Variants in CPXM2 observed in about 807,000 individuals in gnomAD.
CPXM2 encodes the protein carboxypeptidase X, M14 family member 2.
Under a neutral mutation model 86.1 loss-of-function variants are expected in CPXM2, and 66 were observed. The observed-to-expected ratio is 0.77, with a 90% CI of 0.63 to 0.94. The LOEUF (loss-of-function observed/expected upper bound fraction) is 0.94, where lower values mean the gene tolerates loss of function less well. Ranked by LOEUF, CPXM2 falls within the 40% of genes least tolerant of loss-of-function variation. The probability of loss-of-function intolerance (pLI) is 0.00; values close to 1 mark genes in which losing one functional copy is unlikely to be tolerated. For missense variants in CPXM2, 948 were observed against 1,026.3 expected, an observed-to-expected ratio of 0.92 and a Z score of 1.04; for synonymous variants, 388 against 400.2, an observed-to-expected ratio of 0.97 and a Z score of 0.36.
intron 4 of CPXM2, among the ~76,000 whole-genome samples, chr10:123,838,508 T>C (rs944649513): frequency 6.6e-6 from 1 of 152,130 alleles, no homozygotes; most frequent in Non-Finnish European, 1.5e-5. Context: ...GAAAAGTACA[T>C]TTCTTAAGTG....
chr10:123,848,543 G>A (rs1039902339), intron 3 of CPXM2, among the ~76,000 whole-genome samples: 1 of 152,106 alleles, frequency 6.6e-6, no homozygotes, highest in Non-Finnish European at 1.5e-5. Flanking sequence ...CTATTTAAAA[G>A]AAGAAAAGAT....
chr10:123,823,276 G>A (rs1250485843), intron 4 of CPXM2, among the ~76,000 whole-genome samples: 1 of 152,186 alleles, frequency 6.6e-6, no homozygotes, highest in African/African-American at 2.4e-5. Context: ...CAAGAGCCAT[G>A]TAGAGGCCTG....
Position 123,901,429 on chromosome 10 carries a change from T to TTGTGTGTGTGTGTGTG in CPXM2, n.175-21136_175-21121dup, listed in dbSNP as rs3069582. 6.2e-3 allele frequency among the ~76,000 whole-genome samples: 867 copies of TTGTGTGTGTGTGTGTG among 138,988 alleles called. 15 individuals are homozygous for TTGTGTGTGTGTGTGTG. The highest frequency in any genetic ancestry group is 0.025 in the Middle Eastern group (7 of 276). 91.2% of individuals were successfully genotyped at this position (138,988 alleles called of 152,430 possible). ...TTGTTTTCCTTCCATCCAAGCAAGT[T>TTGTGTGTGTGTGTGTG]TGTGTGTGTGTGTGTGTGTGTGTGT... On this transcript the variant is annotated intron_variant and non_coding_transcript_variant, in intron 2 of 19. Transcript: ENST00000368854.
At chr10:123,874,778 T>TG (rs1944953495) in intron 2 of CPXM2, among the ~76,000 whole-genome samples, 1 of 152,218 alleles carries the variant, frequency 6.6e-6, no homozygotes, top group Admixed American at 6.5e-5. Flanking sequence ...ATGGGGATTC[T>TG]GGGGAGGTAC....
intron 2 of CPXM2, among the ~76,000 whole-genome samples, chr10:123,927,769 A>G (rs1415031512): frequency 3.3e-5 from 5 of 152,230 alleles, no homozygotes; most frequent in African/African-American, 2.4e-5. Context: ...TTACCCCCAG[A>G]TGAGTACAAA....
chr10:123,888,403 G>C (rs1360852004), intron 1 of CPXM2, among the ~76,000 whole-genome samples: 2 of 152,044 alleles, frequency 1.3e-5, no homozygotes, highest in Non-Finnish European at 2.9e-5. Flanking sequence ...ACATAGCATT[G>C]CATCATCCAC....
At chr10:123,796,067 C>T (rs1847329636) in intron 6 of CPXM2, among the ~76,000 whole-genome samples, 2 of 152,192 alleles carry the variant, frequency 1.3e-5, no homozygotes, top group Admixed American at 6.5e-5. Context: ...GATACCTGTG[C>T]CCACAGTCGC....
intron 4 of CPXM2, among the ~76,000 whole-genome samples, chr10:123,809,787 T>C (rs1847654259): frequency 6.6e-6 from 1 of 151,982 alleles, no homozygotes; most frequent in African/African-American, 2.4e-5. Flanking sequence ...TTGGTAAAAT[T>C]CCAGGAGTAA....
At chr10:123,809,343 A>G (rs1354055614) in intron 4 of CPXM2, among the ~76,000 whole-genome samples, 1 of 152,196 alleles carries the variant, frequency 6.6e-6, no homozygotes, top group African/African-American at 2.4e-5. Flanking sequence ...GCTAAGATCT[A>G]TAGTAAGAAC....
intron 2 of CPXM2, among the ~76,000 whole-genome samples, chr10:123,919,663 A>G (rs550675047): frequency 6.6e-6 from 1 of 152,344 alleles, no homozygotes; most frequent in East Asian, 1.9e-4. Flanking sequence ...AAAATGACAA[A>G]AGAGAGTCAG....
chr10:123,755,694 T>G (rs1416610416), intron 12 of CPXM2, among the ~76,000 whole-genome samples: 3 of 152,212 alleles, frequency 2.0e-5, no homozygotes, highest in Non-Finnish European at 4.4e-5. Flanking sequence ...ATGACTTGTG[T>G]CATGCGATGC....
chr10:123,891,523 T>G lies in CPXM2; in HGVS notation c.137A>C (p.Tyr46Ser). ...GAGCTCGGGCTCCGGGCGCGCGTAG[T>G]AGGGCTCCCGGCTCCAGATCTCCTG... ...YGQEIWSREPYYARPEPELET... is the reference protein window; with the variant it reads ...YGQEIWSREPSYARPEPELET... Residue 46 changes from tyrosine to serine, a missense_variant, in exon 1 of 14, where the codon TAC (tyrosine) becomes TCC (serine). Physicochemically the swap from Tyr to Ser is moderately radical, Grantham distance 144. Coordinates refer to ENST00000241305, the MANE Select transcript of CPXM2 (RefSeq NM_198148.3). This position sits in a 1 kb window ranked among gnomAD's most constrained non-coding sequence, Gnocchi z 5.6. The G allele has an allele frequency of 6.5e-7, 1 of 1,548,642 alleles. No individual in the cohort carries two copies. Among genetic ancestry groups the G allele is most frequent in the African/African-American group, 1.4e-5 (1 of 72,958 alleles).
chr10:123,752,422 T>G lies in CPXM2; in HGVS notation c.2017+2241A>C, dbSNP rs578178604. ...AACTAGATGGGAAAAATGCAATTTATGGCATTACACAGCAATCTACTATTT... is the reference window on the plus strand; with the variant it reads ...AACTAGATGGGAAAAATGCAATTTAGGGCATTACACAGCAATCTACTATTT... On this transcript the variant is annotated intron_variant, in intron 13 of 13. Coordinates refer to ENST00000241305, the MANE Select transcript of CPXM2 (RefSeq NM_198148.3). The G allele has an allele frequency of 9.2e-5, 91 of 985,014 alleles. No homozygotes were observed. The African/African-American group carries it at 1.5e-3, about 16-fold the overall frequency. 61.0% of individuals were successfully genotyped at this position (985,014 alleles called of 1,614,324 possible).
At chr10:123,770,023 C>T (rs980899920) in intron 8 of CPXM2, among the ~76,000 whole-genome samples, 1 of 152,196 alleles carries the variant, frequency 6.6e-6, no homozygotes, top group African/African-American at 2.4e-5. Flanking sequence ...CCTGTAATCC[C>T]AGCACTTTGG....
chr10:123,786,272 A>G (rs1847052795), intron 6 of CPXM2, among the ~76,000 whole-genome samples: 1 of 152,214 alleles, frequency 6.6e-6, no homozygotes, highest in East Asian at 1.9e-4. Flanking sequence ...TGAGAGGCTC[A>G]CTCAAGGCTC....
In CPXM2 at chr10:123,772,488, T is replaced by A. The variant is rs988697603; in HGVS notation, c.979-1449A>T. Among the ~76,000 whole-genome samples the A allele has an allele frequency of 4.0e-5, 6 of 151,782 alleles. No individual in the cohort carries two copies. The South Asian group carries it at 1.3e-3, about 32-fold the overall frequency. ...CTGGTCATGGTTATCACTCCCCTGGTTGCAGTTATCACTCCCCTGGGTGTA... is the reference window on the plus strand; with the variant it reads ...CTGGTCATGGTTATCACTCCCCTGGATGCAGTTATCACTCCCCTGGGTGTA... On this transcript the variant is annotated intron_variant, in intron 7 of 13. Coordinates refer to ENST00000241305, the MANE Select transcript of CPXM2 (RefSeq NM_198148.3).
chr10:123,785,240 G>C (rs529062091), intron 6 of CPXM2, among the ~76,000 whole-genome samples: 2 of 152,252 alleles, frequency 1.3e-5, no homozygotes, highest in Admixed American at 6.5e-5. Flanking sequence ...GTAACATAAC[G>C]ATCCTACAGG....
chr10:123,880,111 G>A (rs1469039891), intron 2 of CPXM2, 100 bp downstream of exon 2: 8 of 667,422 alleles, frequency 1.2e-5, no homozygotes, highest in Non-Finnish European at 1.9e-5. Context: ...CCACACTCGG[G>A]AATCTGTAGT....
At chr10:123,884,025 T>C (rs1233034490) in intron 1 of CPXM2, among the ~76,000 whole-genome samples, 1 of 152,124 alleles carries the variant, frequency 6.6e-6, no homozygotes, top group Admixed American at 6.5e-5. Context: ...ATAAATATAA[T>C]TCTTGGTTAA....
Sources: gnomAD v4.1 joint callset for allele counts (sites outside exome capture counted in the v4.1 genomes callset) on GRCh38, gnomAD v4.1.1 for gene constraint, Gnocchi (gnomAD v3.1) non-coding constraint, MANE v1.5 for transcripts, NCBI Gene and HGNC (gene_info 2026-07-23, HGNC 2026-07-21) for gene names.